The following DENND2B variants were observed in gnomAD, a reference collection of about 807,000 sequenced individuals.
The protein encoded by DENND2B is DENN domain-containing protein 2B.
In DENND2B, 32 loss-of-function variants were observed where a neutral mutation model predicts 116.0. That is an observed-to-expected ratio of 0.28 (90% CI 0.21 to 0.37). DENND2B has a LOEUF of 0.37. Among genes scored for constraint, DENND2B ranks in the 10% least tolerant of loss-of-function variants. The pLI, the probability that DENND2B is intolerant of heterozygous loss-of-function variation, is 1.00. For synonymous variants in DENND2B, 588 were observed against 583.9 expected, an observed-to-expected ratio of 1.01 and a Z score of -0.10; for missense variants, 1,276 against 1,477.7, an observed-to-expected ratio of 0.86 and a Z score of 2.24.
intron 2 of DENND2B, among the ~76,000 whole-genome samples, chr11:8,748,989 C>A (rs1232689277): frequency 6.6e-6 from 1 of 152,078 alleles, no homozygotes; most frequent in Non-Finnish European, 1.5e-5. Flanking sequence ...TGGTAATCTC[C>A]ATTTCAGGTC....
intron 1 of DENND2B, among the ~76,000 whole-genome samples, chr11:8,787,850 T>A (rs2059050710): frequency 6.6e-6 from 1 of 152,238 alleles, no homozygotes; most frequent in African/African-American, 2.4e-5. Context: ...TTCTAGCTCA[T>A]CTACAAATCC....
At chr11:8,909,617 T>C (rs1295285027) in intron 1 of DENND2B, 1 of 151,748 alleles carries the variant, frequency 6.6e-6, no homozygotes, top group Non-Finnish European at 1.5e-5. Context: ...ACCAATAAAA[T>C]GAAAAAAAAA....
chr11:8,705,378 C>G (rs1026235107), intron 13 of DENND2B, among the ~76,000 whole-genome samples: 1 of 152,116 alleles, frequency 6.6e-6, no homozygotes, highest in South Asian at 2.1e-4. Context: ...TTGTCAAGAT[C>G]TTGCCACGCC....
At chr11:8,694,428 G>A in intron 19 of DENND2B, 1 of 465,388 alleles carries the variant, frequency 2.1e-6, no homozygotes, top group Non-Finnish European at 4.0e-6. Flanking sequence ...AGGGAGGGGT[G>A]CATTTTGCAG....
At chr11:8,808,912 CAGA>C (rs1328507720) in intron 1 of DENND2B, 1 of 152,084 alleles carries the variant, frequency 6.6e-6, no homozygotes. Flanking sequence ...GCTATACCAA[CAGA>C]AGGAGCAGCA....
chr11:8,819,516 T>G (rs571046809), intron 4 of DENND2B, among the ~76,000 whole-genome samples: 6 of 152,158 alleles, frequency 3.9e-5, no homozygotes, highest in Non-Finnish European at 8.8e-5. Context: ...TGGACACATA[T>G]CACCTTAATC....
At chr11:8,890,854 A>C (rs1209022872) in intron 1 of DENND2B, among the ~76,000 whole-genome samples, 1 of 152,182 alleles carries the variant, frequency 6.6e-6, no homozygotes, top group Non-Finnish European at 1.5e-5. Context: ...CAACCTAGCA[A>C]GGCAGGCCAA....
intron 1 of DENND2B, among the ~76,000 whole-genome samples, chr11:8,790,052 C>T (rs2059247184): frequency 6.6e-6 from 1 of 152,162 alleles, no homozygotes; most frequent in African/African-American, 2.4e-5. Context: ...ATCTACCCTG[C>T]CAAGGACAAC....
At chr11:8,698,839 G>A (rs996983101) in intron 16 of DENND2B, 94 bp downstream of exon 16, 2 of 1,456,588 alleles carry the variant, frequency 1.4e-6, no homozygotes, top group South Asian at 1.1e-5. Flanking sequence ...AACCCAGAGA[G>A]AGAGCTCAAC....
intron 1 of DENND2B, among the ~76,000 whole-genome samples, chr11:8,887,297 TGC>T (rs2134737133): frequency 6.6e-6 from 1 of 152,348 alleles, no homozygotes; most frequent in African/African-American, 2.4e-5. Flanking sequence ...CTAGCAATAA[TGC>T]TTAGGCAGGT....
intron 10 of DENND2B, 28 bp downstream of exon 10, chr11:8,711,091 CCTT>C: frequency 6.2e-7 from 1 of 1,608,480 alleles, no homozygotes; most frequent in Non-Finnish European, 8.5e-7. Context: ...AGGCTATGCT[CCTT>C]CCTCCCTCAG....
At chr11:8,751,632 C>A (rs943609206) in intron 1 of DENND2B, among the ~76,000 whole-genome samples, 4 of 152,114 alleles carry the variant, frequency 2.6e-5, no homozygotes, top group Non-Finnish European at 4.4e-5. Context: ...AGACATGCGG[C>A]CTTTAAGAAC....
intron 4 of DENND2B, among the ~76,000 whole-genome samples, chr11:8,723,504 G>A (rs554574659): frequency 1.3e-5 from 2 of 152,234 alleles, no homozygotes; most frequent in East Asian, 3.9e-4. Context: ...AGGAGGGCAA[G>A]TGTGTCTAGG....
At chr11:8,714,254 GA>G (rs1176481400) in intron 7 of DENND2B, among the ~76,000 whole-genome samples, 1 of 152,232 alleles carries the variant, frequency 6.6e-6, no homozygotes, top group African/African-American at 2.4e-5. Context: ...TCAAACCCAT[GA>G]GGGAAGCTGA....
At chr11:8,769,823 T>A (rs138622191) in intron 1 of DENND2B, among the ~76,000 whole-genome samples, 36 of 152,218 alleles carry the variant, frequency 2.4e-4, no homozygotes, top group Admixed American at 2.0e-4. Flanking sequence ...ACATATACAT[T>A]TGGCCCCAAT....
In DENND2B at chr11:8,712,802, C is replaced by G; in HGVS notation, c.1988-67G>C. 1.3e-6 allele frequency: 2 copies of G among 1,492,712 alleles called. No individual in the cohort carries two copies. Among genetic ancestry groups the G allele is most frequent in the South Asian group, 2.6e-5 (2 of 76,700 alleles). The allele number at this position is 1,492,712 out of a possible 1,614,324, so 92.5% of individuals were successfully genotyped here. The stretch of plus-strand genomic sequence containing the variant: ...CTCATGTTAACTCCTCTACCCCTGG[C>G]TCAGGGCTCCATTGCTGTGGAGCAC... On this transcript the variant is annotated intron_variant, in intron 8 of 19. Transcript: ENST00000313726. This position sits in a 1 kb window ranked among gnomAD's most constrained non-coding sequence, Gnocchi z 4.4.
At chr11:8,795,737 C>T (rs2059757842) in intron 1 of DENND2B, among the ~76,000 whole-genome samples, 1 of 152,190 alleles carries the variant, frequency 6.6e-6, no homozygotes, top group Admixed American at 6.5e-5. Flanking sequence ...AAATGTGTTT[C>T]CTTCCTGCTT....
chr11:8,883,926 G>C (rs1384028261), intron 1 of DENND2B, among the ~76,000 whole-genome samples: 2 of 152,180 alleles, frequency 1.3e-5, no homozygotes, highest in Non-Finnish European at 2.9e-5. Context: ...CATTTGTTTA[G>C]TGTGCACAGC....
chr11:8,730,875 G>A lies in DENND2B; in HGVS notation c.415C>T (p.Pro139Ser), dbSNP rs779145740. Residue 139 changes from proline to serine, a missense_variant, in exon 3 of 20, where the codon CCA (proline) becomes TCA (serine). Pro to Ser is a moderately conservative substitution (Grantham distance 74). Transcript: ENST00000313726. This position sits in a 1 kb window ranked among gnomAD's most constrained non-coding sequence, Gnocchi z 4.1. ...GGGCCAGCTGCTGGCCCCGGGAATG[G>A]CGTGCTCTGGGCAAGGGGGAGGCAG... ...AACLPLAQSTPFPGPAAGPRG... is the reference protein window; with the variant it reads ...AACLPLAQSTSFPGPAAGPRG... 1.2e-6 allele frequency: 2 copies of A among 1,613,780 alleles called. No individual in the cohort carries two copies. The highest frequency in any genetic ancestry group is 1.7e-6 in the Non-Finnish European group (2 of 1,180,034).
Sources: allele counts gnomAD v4.1 joint callset (sites outside exome capture counted in the v4.1 genomes callset), GRCh38; gene constraint gnomAD v4.1.1; non-coding constraint Gnocchi (gnomAD v3.1); transcripts MANE v1.5; gene names NCBI Gene and HGNC (gene_info 2026-07-23, HGNC 2026-07-21).